Variants in AGPS observed in about 807,000 individuals in gnomAD.
AGPS encodes alkyldihydroxyacetonephosphate synthase, peroxisomal.
In AGPS, 26 loss-of-function variants were observed where a neutral mutation model predicts 90.7. The ratio of observed to expected loss-of-function variants is 0.29; its 90% CI spans 0.21 to 0.40. AGPS has a LOEUF of 0.40. Ranked by LOEUF, AGPS falls within the 10% of genes least tolerant of loss-of-function variation. The pLI is 1.00. For synonymous variants in AGPS, 294 were observed against 285.3 expected (o/e 1.03, Z -0.31); for missense variants, 540 against 816.1 (o/e 0.66, Z 4.12).
intron 11 of AGPS, among the ~76,000 whole-genome samples, chr2:177,489,710 T>C (rs886155021): frequency 1.3e-5 from 2 of 152,198 alleles, no homozygotes; most frequent in African/African-American, 4.8e-5. Context: ...AGGTACAAGT[T>C]CGATGATTTG....
In AGPS at chr2:177,394,028, G is replaced by A. The variant is rs115295341; in HGVS notation, c.260+979G>A. Among the ~76,000 whole-genome samples the A allele has an allele frequency of 1.8e-3, 277 of 152,326 alleles. 1 individual carries two copies. Among genetic ancestry groups the A allele is most frequent in the African/African-American group, 6.4e-3 (265 of 41,570 alleles). ...CCCATTTTACAGATGAATAAATTAA[G>A]TCTGCTGGAGTCTTAGCAGATATGC... On this transcript the variant is annotated intron_variant, in intron 1 of 19. Coordinates refer to ENST00000264167, the MANE Select transcript of AGPS (RefSeq NM_003659.4).
chr2:177,543,218 C>T lies in AGPS; in HGVS notation c.*5023C>T, dbSNP rs148879448. 3 of 152,158 alleles carry T rather than the reference C, an allele frequency of 2.0e-5. No homozygotes were observed. The highest frequency in any genetic ancestry group is 7.2e-5 in the African/African-American group (3 of 41,430). The allele number at this position is 152,158 out of a possible 1,614,324, so 9.4% of individuals were successfully genotyped here. On this transcript the variant is annotated 3_prime_UTR_variant, in exon 20 of 20. Transcript: ENST00000264167. ...TTCTTTCTGGATGTTTGCTCACAGG[C>T]TCCCTGAGGAGCAGAACCTGTGGAG...
At position 177,393,034 on chromosome 2, in the gene AGPS, C is replaced by G. The variant is rs1198536091; in HGVS notation, c.245C>G (p.Thr82Ser). 7.1e-6 allele frequency: 11 copies of G among 1,550,248 alleles called. No individual in the cohort carries two copies. Among genetic ancestry groups the G allele is most frequent in the South Asian group, 1.2e-5 (1 of 84,070 alleles). The stretch of plus-strand genomic sequence containing the variant: ...ACTCCCGCCGCGCAGGAGTCGGGCA[C>G]CATCCCAAAGAAGCGGTGAGTAGCG... ...TATPAAQESG[T>S]IPKKRQEVMK... Residue 82 changes from threonine to serine, a missense_variant, in exon 1 of 20, where the codon ACC becomes AGC. Around this residue, in one of 2 missense-constraint regions of AGPS, gnomAD observed 135 missense variants for 124.0 expected, o/e 1.09. Transcript: ENST00000264167.
At chr2:177,404,131 G>A (rs202214347) in intron 1 of AGPS, among the ~76,000 whole-genome samples, 1 of 152,180 alleles carries the variant, frequency 6.6e-6, no homozygotes, top group Admixed American at 6.5e-5. Context: ...ATTTGAGCAA[G>A]TTTGTATCTT....
intron 9 of AGPS, among the ~76,000 whole-genome samples, chr2:177,465,460 C>G (rs1687418550): frequency 6.6e-6 from 1 of 152,200 alleles, no homozygotes; most frequent in Non-Finnish European, 1.5e-5. Flanking sequence ...TGGGCTTGTT[C>G]AGCCCACTCG....
chr2:177,525,866 G>T (rs762352375), intron 19 of AGPS, among the ~76,000 whole-genome samples: 1 of 152,174 alleles, frequency 6.6e-6, no homozygotes, highest in Non-Finnish European at 1.5e-5. Context: ...TTTGTAAGAT[G>T]CAGAAAGTGT....
At chr2:177,536,485 T>C (rs1230915105) in intron 19 of AGPS, among the ~76,000 whole-genome samples, 1 of 151,856 alleles carries the variant, frequency 6.6e-6, no homozygotes, top group East Asian at 1.9e-4. Flanking sequence ...CTTAAAATCA[T>C]AGAATATTAG....
chr2:177,444,472 A>G (rs2105641503), intron 7 of AGPS, among the ~76,000 whole-genome samples: 1 of 150,600 alleles, frequency 6.6e-6, no homozygotes, highest in Middle Eastern at 3.4e-3. Context: ...TCTTATAGTG[A>G]GAGTATAATT....
chr2:177,497,518 A>C (rs768575631), intron 12 of AGPS, among the ~76,000 whole-genome samples, 171 bp from the exon 13 acceptor site: 6 of 151,854 alleles, frequency 4.0e-5, no homozygotes, highest in Non-Finnish European at 1.5e-5. Flanking sequence ...AGCAAATATT[A>C]ATATAACTAT....
chr2:177,395,246 A>G (rs1231981463), intron 1 of AGPS, among the ~76,000 whole-genome samples: 1 of 152,182 alleles, frequency 6.6e-6, no homozygotes, highest in Non-Finnish European at 1.5e-5. Flanking sequence ...GCATTCAGAG[A>G]AAAAATAGTA....
At chr2:177,501,726 G>GGT (rs1212949837) in intron 14 of AGPS, among the ~76,000 whole-genome samples, 2 of 152,122 alleles carry the variant, frequency 1.3e-5, no homozygotes, top group Non-Finnish European at 2.9e-5. Flanking sequence ...GGAGTGCAGT[G>GGT]GTGTGATCTC....
chr2:177,504,448 CA>C (rs1688651642), intron 14 of AGPS, among the ~76,000 whole-genome samples: 2 of 152,118 alleles, frequency 1.3e-5, no homozygotes, highest in African/African-American at 4.8e-5. Flanking sequence ...CAGTCCCCTT[CA>C]TTTTTTTTAT....
chr2:177,490,588 G>A (rs1688224185), intron 11 of AGPS, among the ~76,000 whole-genome samples: 1 of 152,178 alleles, frequency 6.6e-6, no homozygotes, highest in East Asian at 1.9e-4. Context: ...GCTAGCTTAT[G>A]TGACTTGATT....
At chr2:177,506,892 T>C (rs912964740) in intron 15 of AGPS, among the ~76,000 whole-genome samples, 15 of 151,638 alleles carry the variant, frequency 9.9e-5, no homozygotes, top group African/African-American at 3.4e-4. Context: ...ATTGGCCTTT[T>C]CCCCATAATA....
rs535183500 is a variant in AGPS at position 177,418,717 on chromosome 2, G to GA, written c.261-1545dup. 1.7e-4 allele frequency among the ~76,000 whole-genome samples: 25 copies of GA among 150,632 alleles called. No homozygotes were observed. The East Asian group carries it at 4.1e-3, about 25-fold the overall frequency. ...ATAAAAGTGAAGATAATTTAATCATGAAAAAAAGCAAAGTGGAAAATATCC... is the reference window on the plus strand; with the variant it reads ...ATAAAAGTGAAGATAATTTAATCATGAAAAAAAAGCAAAGTGGAAAATATCC... On this transcript the variant is annotated intron_variant, in intron 1 of 19. Transcript: ENST00000264167.
At chr2:177,444,169 C>T (rs1432923680) in intron 7 of AGPS, among the ~76,000 whole-genome samples, 2 of 152,064 alleles carry the variant, frequency 1.3e-5, no homozygotes, top group South Asian at 2.1e-4. Context: ...GCCTGTAATC[C>T]CAGCACTTTG....
At chr2:177,395,198 G>C (rs752185080) in intron 1 of AGPS, among the ~76,000 whole-genome samples, 1 of 152,170 alleles carries the variant, frequency 6.6e-6, no homozygotes, top group Non-Finnish European at 1.5e-5. Context: ...AAGGAGGGCA[G>C]GTTTTCCTTA....
intron 8 of AGPS, among the ~76,000 whole-genome samples, chr2:177,456,176 C>T (rs1367759700): frequency 6.6e-6 from 1 of 152,152 alleles, no homozygotes; most frequent in African/African-American, 2.4e-5. Context: ...CAGAGTGAGA[C>T]CCTTTCTTGG....
At chr2:177,522,877 A>G (rs1689241003) in intron 18 of AGPS, among the ~76,000 whole-genome samples, 1 of 152,218 alleles carries the variant, frequency 6.6e-6, no homozygotes, top group African/African-American at 2.4e-5. Context: ...GAGAGGCCCA[A>G]GGTACTATAG....
Sources: gnomAD v4.1 joint callset for allele counts (sites outside exome capture counted in the v4.1 genomes callset) on GRCh38, gnomAD v4.1.1 for gene constraint, gnomAD v4.1.1 regional missense constraint, MANE v1.5 for transcripts, NCBI Gene and HGNC (gene_info 2026-07-23, HGNC 2026-07-21) for gene names.